The following SFMBT2 variants were observed in gnomAD, a reference collection of about 807,000 sequenced individuals.
SFMBT2 encodes Scm like with four mbt domains 2, also known as scm-like with four MBT domains protein 2.
A neutral mutation model predicts 110.1 loss-of-function variants in SFMBT2; 38 were observed. The ratio of observed to expected loss-of-function variants is 0.35; its 90% CI spans 0.27 to 0.45. The LOEUF is 0.45. Among genes scored for constraint, SFMBT2 ranks in the 20% least tolerant of loss-of-function variants. SFMBT2 has a pLI of 1.00. For missense variants in SFMBT2, 1,011 were observed against 1,094.9 expected (o/e 0.92, Z 1.08); for synonymous variants, 425 against 425.4 (o/e 1.00, Z 0.01).
At chr10:7,205,952 A>G in intron 11 of SFMBT2, 24 bp from the exon 12 acceptor site, 1 of 1,613,462 alleles carries the variant, frequency 6.2e-7, no homozygotes, top group Non-Finnish European at 8.5e-7. Flanking sequence ...AGTTGAAACA[A>G]GAGGTACAAA....
At chr10:7,253,284 G>C (rs1263758351) in intron 7 of SFMBT2, among the ~76,000 whole-genome samples, 1 of 152,168 alleles carries the variant, frequency 6.6e-6, no homozygotes, top group East Asian at 1.9e-4. Context: ...AATCCAAGGA[G>C]GGGGTTTCAG....
At chr10:7,253,390 G>A (rs1017649787) in intron 7 of SFMBT2, among the ~76,000 whole-genome samples, 6 of 152,168 alleles carry the variant, frequency 3.9e-5, no homozygotes, top group Non-Finnish European at 5.9e-5. Flanking sequence ...TTCACTTGTG[G>A]GGTCTGCACT....
chr10:7,159,173 A>G lies in SFMBT2; in HGVS notation c.*4597T>C, dbSNP rs1837487208. On this transcript the variant is annotated 3_prime_UTR_variant, in exon 21 of 21. Coordinates refer to ENST00000397167, the MANE Select transcript of SFMBT2 (RefSeq NM_001387889.1). ...CGTCATACTTACTGGGCCAAATCCC[A>G]TTACTTAGTGCCAACAATTCAGAAG... 1 of 152,208 alleles carries G rather than the reference A, an allele frequency of 6.6e-6. No individual in the cohort carries two copies. The highest frequency in any genetic ancestry group is 1.5e-5 in the Non-Finnish European group (1 of 68,036). 9.4% of individuals were successfully genotyped at this position (152,208 alleles called of 1,614,324 possible).
At chr10:7,311,134 A>AAG (rs1842846186) in intron 4 of SFMBT2, among the ~76,000 whole-genome samples, 1 of 44,422 alleles carries the variant, frequency 2.3e-5, no homozygotes, top group Admixed American at 2.8e-4. Context: ...AGTTTCCCCT[A>AAG]AAAAAAAAAC....
chr10:7,351,899 G>C (rs1844333660), intron 4 of SFMBT2, among the ~76,000 whole-genome samples: 1 of 151,582 alleles, frequency 6.6e-6, no homozygotes, highest in Admixed American at 6.6e-5. Context: ...ATATATATCT[G>C]ATGAGGAGGG....
In SFMBT2 at chr10:7,161,266, G is replaced by A. The variant is rs2692758; in HGVS notation, c.*2504C>T. On this transcript the variant is annotated 3_prime_UTR_variant, in exon 21 of 21. Coordinates refer to ENST00000397167, the MANE Select transcript of SFMBT2 (RefSeq NM_001387889.1). ...CCTCCAACGCAGCACCTCCTCCTCC[G>A]TGCTACCACTGAAAAGGGAGACAGA... 0.29 allele frequency: 44,036 copies of A among 152,108 alleles called. 7,405 individuals are homozygous for A. The highest frequency in any genetic ancestry group is 0.48 in the South Asian group (2,320 of 4,816). The allele number at this position is 152,108 out of a possible 1,614,324, so 9.4% of individuals were successfully genotyped here.
intron 4 of SFMBT2, among the ~76,000 whole-genome samples, chr10:7,324,341 G>A (rs542745848): frequency 1.4e-4 from 22 of 152,130 alleles, no homozygotes; most frequent in African/African-American, 4.8e-4. Flanking sequence ...TAAACACTGC[G>A]GTTCAGCAAC....
chr10:7,276,986 A>G lies in SFMBT2; in HGVS notation c.776T>C (p.Ile259Thr), dbSNP rs2131825132. 1.1e-6 allele frequency: 1 copy of G among 871,928 alleles called. No homozygotes were observed. The highest frequency in any genetic ancestry group is 2.0e-6 in the Non-Finnish European group (1 of 500,876). 54.0% of individuals were successfully genotyped at this position (871,928 alleles called of 1,614,324 possible). ...NKYRMDPPSE[I>T]YPLKMASEWK... Reference sequence around the variant, plus strand: ...TTCAGAGGCCATCTTCAAAGGATAGATTTCTGTATCAACAGCAAATCACAG... The same window carrying G: ...TTCAGAGGCCATCTTCAAAGGATAGGTTTCTGTATCAACAGCAAATCACAG... Residue 259 changes from isoleucine (I) to threonine (T), a missense_variant, in exon 7 of 21, where the codon ATC (isoleucine) becomes ACC (threonine). Ile to Thr is a moderately conservative substitution (Grantham distance 89, BLOSUM62 -1). Coordinates refer to ENST00000397167, the MANE Select transcript of SFMBT2 (RefSeq NM_001387889.1).
intron 11 of SFMBT2, among the ~76,000 whole-genome samples, chr10:7,216,369 AG>A (rs1295781875): frequency 5.3e-5 from 8 of 152,192 alleles, no homozygotes; most frequent in Non-Finnish European, 1.5e-5. Flanking sequence ...AAGTCTCACA[AG>A]ATCTGATGGT....
intron 4 of SFMBT2, among the ~76,000 whole-genome samples, chr10:7,337,138 T>C (rs1843740665): frequency 6.6e-6 from 1 of 152,228 alleles, no homozygotes; most frequent in Non-Finnish European, 1.5e-5. Context: ...CCTGAGAGAA[T>C]CTTTCATAAA....
rs182174685 is a variant in SFMBT2 at position 7,308,485 on chromosome 10, T to C, written c.437-22531A>G. On this transcript the variant is annotated intron_variant, in intron 4 of 20. Transcript: ENST00000397167. ...AAATTGAAAGGTGGAGGTCACTTGATGGAGAGAAATATAAGGAAGGGTTGA... is the reference window on the plus strand; with the variant it reads ...AAATTGAAAGGTGGAGGTCACTTGACGGAGAGAAATATAAGGAAGGGTTGA... Among the ~76,000 whole-genome samples, 999 of 152,216 alleles carry C rather than the reference T, an allele frequency of 6.6e-3. 7 individuals are homozygous for C. Among genetic ancestry groups the C allele is most frequent in the Middle Eastern group, 0.044 (13 of 294 alleles).
chr10:7,204,834 T>C (rs1180373021), intron 12 of SFMBT2: 8 of 551,334 alleles, frequency 1.5e-5, no homozygotes, highest in Middle Eastern at 8.7e-4. Context: ...GATAGCGCCA[T>C]TGCACTCCAG....
At chr10:7,374,490 A>T (rs1845147784) in intron 2 of SFMBT2, among the ~76,000 whole-genome samples, 1 of 152,184 alleles carries the variant, frequency 6.6e-6, no homozygotes, top group African/African-American at 2.4e-5. Flanking sequence ...TCTAATCTAT[A>T]CTATTAGAAT....
chr10:7,399,241 T>G (rs1174308337), intron 1 of SFMBT2, among the ~76,000 whole-genome samples: 3 of 148,676 alleles, frequency 2.0e-5, no homozygotes, highest in Admixed American at 6.7e-5. Context: ...TTTTGTTTTG[T>G]TTTTTTTTTG....
At chr10:7,274,946 C>T (rs1174922510) in intron 7 of SFMBT2, among the ~76,000 whole-genome samples, 2 of 152,250 alleles carry the variant, frequency 1.3e-5, no homozygotes, top group African/African-American at 4.8e-5. Flanking sequence ...CAGACCACAT[C>T]CAGCTTTCTT....
chr10:7,222,408 T>C (rs1388036441), intron 10 of SFMBT2, among the ~76,000 whole-genome samples: 1 of 152,220 alleles, frequency 6.6e-6, no homozygotes, highest in Non-Finnish European at 1.5e-5. Flanking sequence ...AAATTTATTT[T>C]GTCATGGTCC....
rs1364107186 is a variant in SFMBT2, at chr10:7,301,437, C to A, written c.437-15483G>T. 6.6e-6 allele frequency among the ~76,000 whole-genome samples: 1 copy of A among 152,174 alleles called. No homozygotes were observed. The highest frequency in any genetic ancestry group is 1.5e-5 in the Non-Finnish European group (1 of 68,024). On this transcript the variant is annotated intron_variant, in intron 4 of 20. Coordinates refer to ENST00000397167, the MANE Select transcript of SFMBT2 (RefSeq NM_001387889.1). This position sits in a 1 kb window ranked among gnomAD's most constrained non-coding sequence, Gnocchi z 4.2. Reference sequence around the variant, plus strand: ...GAACTCATGAGACAGCGGAGGAAACCCGGGAGGGACTAGAACAAAGTCCAG... The same window carrying A: ...GAACTCATGAGACAGCGGAGGAAACACGGGAGGGACTAGAACAAAGTCCAG...
At chr10:7,330,977 C>T (rs1316470250) in intron 4 of SFMBT2, among the ~76,000 whole-genome samples, 1 of 152,230 alleles carries the variant, frequency 6.6e-6, no homozygotes, top group African/African-American at 2.4e-5. Flanking sequence ...AGCTCCAAGG[C>T]AGGTCAGGAC....
At chr10:7,204,119 C>T (rs1187005461) in intron 12 of SFMBT2, 10 of 208,136 alleles carry the variant, frequency 4.8e-5, no homozygotes, top group South Asian at 3.3e-4. Context: ...TAAGGGGAAA[C>T]GATTACTCCA....
Sources: allele counts gnomAD v4.1 joint callset (sites outside exome capture counted in the v4.1 genomes callset), GRCh38; gene constraint gnomAD v4.1.1; non-coding constraint Gnocchi (gnomAD v3.1); transcripts MANE v1.5; gene names NCBI Gene and HGNC (gene_info 2026-07-23, HGNC 2026-07-21).